KCNQ1: variants seen among roughly 807,000 people sequenced by gnomAD.
KCNQ1 encodes the protein potassium voltage-gated channel subfamily Q member 1, also known as potassium voltage-gated channel subfamily KQT member 1.
Under a neutral mutation model 72.4 loss-of-function variants are expected in KCNQ1, and 49 were observed. The observed-to-expected ratio is 0.68, with a 90% CI of 0.54 to 0.86. KCNQ1 has a LOEUF of 0.86. Among genes scored for constraint, KCNQ1 ranks in the 40% least tolerant of loss-of-function variants. The pLI is 0.00. For synonymous variants in KCNQ1, 450 were observed against 412.6 expected, an observed-to-expected ratio of 1.09 and a Z score of -1.10; for missense variants, 790 against 945.1, an observed-to-expected ratio of 0.84 and a Z score of 2.15.
rs1483057790 is a variant in KCNQ1 at position 2,762,166 on chromosome 11, G to A, written c.1515-6678G>A. Among the ~76,000 whole-genome samples, 5 of 152,240 alleles carry A rather than the reference G, an allele frequency of 3.3e-5. No homozygotes were observed. Among genetic ancestry groups the A allele is most frequent in the Admixed American group, 2.0e-4 (3 of 15,288 alleles). Reference sequence around the variant, plus strand: ...TGAGGCCAGGGTAATAGTTCCTCTCGTGTGTCAGGCCTGGGAGGGGGGCCT... The same window carrying A: ...TGAGGCCAGGGTAATAGTTCCTCTCATGTGTCAGGCCTGGGAGGGGGGCCT... On this transcript the variant is annotated intron_variant, in intron 11 of 15. Transcript: ENST00000155840. The surrounding 1 kb of genome is among the most constrained non-coding windows in gnomAD (Gnocchi z 4.3).
At chr11:2,839,050 C>T (rs1336651041) in intron 15 of KCNQ1, among the ~76,000 whole-genome samples, 8 of 152,084 alleles carry the variant, frequency 5.3e-5, no homozygotes, top group African/African-American at 9.7e-5. Context: ...GCAGCTGCCT[C>T]GGGCTCTTGG....
intron 15 of KCNQ1, among the ~76,000 whole-genome samples, chr11:2,810,366 T>A (rs965861062): frequency 2.0e-5 from 3 of 152,232 alleles, no homozygotes; most frequent in African/African-American, 7.2e-5. Flanking sequence ...GAGGCCACCA[T>A]CTCTGTTCTC....
At chr11:2,825,177 G>T (rs557700749) in intron 15 of KCNQ1, among the ~76,000 whole-genome samples, 1 of 109,698 alleles carries the variant, frequency 9.1e-6, no homozygotes, top group Non-Finnish European at 1.7e-5. Flanking sequence ...TCCCTGCGGC[G>T]GGACTGGGGC....
At chr11:2,573,874 G>A (rs901665825) in intron 6 of KCNQ1, among the ~76,000 whole-genome samples, 10 of 151,872 alleles carry the variant, frequency 6.6e-5, no homozygotes, top group Admixed American at 2.0e-4. Flanking sequence ...ATCAGGGTGC[G>A]CCCTCCGAGC....
intron 1 of KCNQ1, among the ~76,000 whole-genome samples, chr11:2,517,170 C>T (rs1478729054): frequency 1.3e-5 from 2 of 152,200 alleles, no homozygotes; most frequent in Non-Finnish European, 2.9e-5. Flanking sequence ...CTCATCCCCA[C>T]TGCAAGGCCT....
intron 10 of KCNQ1, chr11:2,625,266 T>C (rs1175258705): frequency 2.5e-6 from 1 of 398,628 alleles, no homozygotes; most frequent in African/African-American, 2.1e-5. Flanking sequence ...GTGGGATTTT[T>C]TTGAGACAAG....
Position 2,682,810 on chromosome 11 carries a change from T to C in KCNQ1, c.1514+20729T>C. On this transcript the variant is annotated intron_variant, in intron 11 of 15. Transcript: ENST00000155840. This position sits in a 1 kb window ranked among gnomAD's most constrained non-coding sequence, Gnocchi z 5.8. ...CACCATGAAATGCAGTGACTTGCAGTGATCCTCCTGGGGCCTTGTATAGAA... is the reference window on the plus strand; with the variant it reads ...CACCATGAAATGCAGTGACTTGCAGCGATCCTCCTGGGGCCTTGTATAGAA... 2.5e-6 allele frequency: 1 copy of C among 398,654 alleles called. No individual in the cohort carries two copies. Among genetic ancestry groups the C allele is most frequent in the Non-Finnish European group, 4.4e-6 (1 of 226,074 alleles). The allele number at this position is 398,654 out of a possible 1,614,324, so 24.7% of individuals were successfully genotyped here. A position where few individuals can be genotyped will look rare whatever the true frequency, so the allele number is the denominator to read the frequency against.
intron 15 of KCNQ1, among the ~76,000 whole-genome samples, chr11:2,791,897 G>A (rs534676094): frequency 1.3e-5 from 2 of 152,368 alleles, no homozygotes; most frequent in African/African-American, 2.4e-5. Flanking sequence ...CTGACGCGGC[G>A]CACGGCCGTC....
At chr11:2,779,939 G>A (rs760288119) in intron 15 of KCNQ1, among the ~76,000 whole-genome samples, 2 of 152,240 alleles carry the variant, frequency 1.3e-5, no homozygotes, top group Non-Finnish European at 2.9e-5. Flanking sequence ...CCTAGGGCAA[G>A]GTTTAAGAAC....
chr11:2,580,883 C>T (rs527801277), intron 6 of KCNQ1, among the ~76,000 whole-genome samples: 114 of 152,330 alleles, frequency 7.5e-4, no homozygotes, highest in African/African-American at 2.6e-3. Context: ...TCGGGCTGCA[C>T]GTGCCAGCCA....
Position 2,785,036 on chromosome 11 carries a change from T to G in KCNQ1, c.1794+6999T>G, listed in dbSNP as rs1030033409. ...ATTTCTTTGTTTTGCCTAATTGCACTGGCTTGAACTTCAAAAAAAATATTG... is the reference window on the plus strand; with the variant it reads ...ATTTCTTTGTTTTGCCTAATTGCACGGGCTTGAACTTCAAAAAAAATATTG... On this transcript the variant is annotated intron_variant, in intron 15 of 15. Coordinates refer to ENST00000155840, the MANE Select transcript of KCNQ1 (RefSeq NM_000218.3). This position sits in a 1 kb window ranked among gnomAD's most constrained non-coding sequence, Gnocchi z 4.4. Among the ~76,000 whole-genome samples the G allele has an allele frequency of 6.6e-6, 1 of 152,050 alleles. No homozygotes were observed. The highest frequency in any genetic ancestry group is 2.4e-5 in the African/African-American group (1 of 41,468).
In KCNQ1 at chr11:2,536,303, C is replaced by A. The variant is rs1847730710; in HGVS notation, c.477+8285C>A. Among the ~76,000 whole-genome samples, 1 of 152,218 alleles carries A rather than the reference C, an allele frequency of 6.6e-6. No individual in the cohort carries two copies. The highest frequency in any genetic ancestry group is 1.5e-5 in the Non-Finnish European group (1 of 68,044). ...CTTCCTGTACTTGGTGATAAACACA[C>A]CATCCGCACTGCCTGCGGCTCTTAC... is the stretch of plus-strand genomic sequence containing the variant. On this transcript the variant is annotated intron_variant, in intron 2 of 15. Transcript: ENST00000155840. This position sits in a 1 kb window ranked among gnomAD's most constrained non-coding sequence, Gnocchi z 7.4.
At chr11:2,577,633 T>C (rs1006357017) in intron 6 of KCNQ1, among the ~76,000 whole-genome samples, 1 of 152,224 alleles carries the variant, frequency 6.6e-6, no homozygotes, top group Non-Finnish European at 1.5e-5. Flanking sequence ...AGGTTTATTT[T>C]GGGGTGTGTG....
intron 15 of KCNQ1, among the ~76,000 whole-genome samples, chr11:2,821,950 A>G (rs1423478604): frequency 2.6e-5 from 4 of 152,126 alleles, no homozygotes; most frequent in Non-Finnish European, 5.9e-5. Context: ...TGACTAAGTG[A>G]AGGATCCAGA....
rs1847612250 is a variant in KCNQ1, at chr11:2,816,276, T to TG, written c.1795-31489dup. On this transcript the variant is annotated intron_variant, in intron 15 of 15. Transcript: ENST00000155840. This position sits in a 1 kb window ranked among gnomAD's most constrained non-coding sequence, Gnocchi z 6.8. ...TGGGAGGGAGACTTGAAGGGCAAGT[T>TG]GGCCAAGACTAAAAAGTGGAGTCAA... Among the ~76,000 whole-genome samples the TG allele has an allele frequency of 1.3e-5, 2 of 152,170 alleles. No homozygotes were observed. Among genetic ancestry groups the TG allele is most frequent in the Non-Finnish European group, 2.9e-5 (2 of 68,020 alleles).
rs536579770 is a variant in KCNQ1, at chr11:2,809,047, G to T, written c.1794+31010G>T. 1.4e-5 allele frequency among the ~76,000 whole-genome samples: 2 copies of T among 146,250 alleles called. No homozygotes were observed. The highest frequency in any genetic ancestry group is 3.1e-5 in the Non-Finnish European group (2 of 64,708). ...GGAATGGAGGAATGGATGGATGGAG[G>T]GGTGGGTAGGTGGGTGGGTAGGTGG... On this transcript the variant is annotated intron_variant, in intron 15 of 15. Transcript: ENST00000155840. The surrounding 1 kb of genome is among the most constrained non-coding windows in gnomAD (Gnocchi z 7.1).
intron 15 of KCNQ1, among the ~76,000 whole-genome samples, chr11:2,825,502 C>T (rs116378894): frequency 0.01 from 1,572 of 152,342 alleles, 36 homozygotes; most frequent in African/African-American, 0.036. Flanking sequence ...GCCCTTGCTG[C>T]CAGGGGCCCC....
intron 11 of KCNQ1, among the ~76,000 whole-genome samples, chr11:2,702,886 C>T (rs1015923939): frequency 7.2e-5 from 11 of 152,198 alleles, no homozygotes; most frequent in African/African-American, 2.7e-4. Context: ...ACCCCCTCGC[C>T]ACACACGGGG....
In KCNQ1 at chr11:2,781,331, G is replaced by C. The variant is rs1846819021; in HGVS notation, c.1794+3294G>C. ...CTGGTCCCAAGGAGGACACAGACAG[G>C]GGTGGGAGATGAGGTAGAGAGAGCA... On this transcript the variant is annotated intron_variant, in intron 15 of 15. Transcript: ENST00000155840. This position sits in a 1 kb window ranked among gnomAD's most constrained non-coding sequence, Gnocchi z 6.6. 6.6e-6 allele frequency among the ~76,000 whole-genome samples: 1 copy of C among 152,184 alleles called. No homozygotes were observed. Among genetic ancestry groups the C allele is most frequent in the African/African-American group, 2.4e-5 (1 of 41,448 alleles).
Sources: allele counts gnomAD v4.1 joint callset (sites outside exome capture counted in the v4.1 genomes callset), GRCh38; gene constraint gnomAD v4.1.1; non-coding constraint Gnocchi (gnomAD v3.1); transcripts MANE v1.5; gene names NCBI Gene and HGNC (gene_info 2026-07-23, HGNC 2026-07-21).